Variants in SRGN observed in about 807,000 individuals in gnomAD.
SRGN encodes serglycin, also known as hematopoetic proteoglycan core peptide.
A neutral mutation model predicts 9.5 loss-of-function variants in SRGN; 2 were observed. The ratio of observed to expected loss-of-function variants is 0.21; its 90% confidence interval spans 0.09 to 0.66. SRGN has a LOEUF of 0.66. Ranked by LOEUF, SRGN falls within the 30% of genes least tolerant of loss-of-function variation. SRGN has a pLI of 0.83. For missense variants in SRGN, 170 were observed against 192.4 expected, an observed-to-expected ratio of 0.88 and a Z score of 0.69; for synonymous variants, 59 against 72.3, an observed-to-expected ratio of 0.82 and a Z score of 0.93.
chr10:69,099,089 G>T (rs1840237021), intron 2 of SRGN, among the ~76,000 whole-genome samples: 1 of 152,020 alleles, frequency 6.6e-6, no homozygotes, highest in Non-Finnish European at 1.5e-5. Context: ...AAATTCATAA[G>T]TAACAAAAAA....
At chr10:69,091,194 G>A (rs775940845) in intron 1 of SRGN, among the ~76,000 whole-genome samples, 1 of 152,158 alleles carries the variant, frequency 6.6e-6, no homozygotes, top group African/African-American at 2.4e-5. Context: ...AAAAATTTGT[G>A]AGTCTTGCCC....
intron 2 of SRGN, among the ~76,000 whole-genome samples, chr10:69,099,748 G>A (rs1450832190): frequency 6.6e-6 from 1 of 152,188 alleles, no homozygotes; most frequent in African/African-American, 2.4e-5. Flanking sequence ...AAGTTTGAAT[G>A]TAATATTACA....
At position 69,097,196 on chromosome 10, in the gene SRGN, C is replaced by G; in HGVS notation, c.192C>G (p.Ser64=). Residue 64 remains serine (S), a synonymous_variant, in exon 2 of 3, where the codon TCC becomes TCG. Coordinates refer to ENST00000242465, the MANE Select transcript of SRGN (RefSeq NM_002727.4). ...TGTTCGAACTACTTCCAGGTGAATCCAACAAGATCCCCCGTCTGAGGACTG... is the reference window on the plus strand; with the variant it reads ...TGTTCGAACTACTTCCAGGTGAATCGAACAAGATCCCCCGTCTGAGGACTG... ...GPMFELLPGE[S]NKIPRLRTDL... 6.2e-7 allele frequency: 1 copy of G among 1,613,968 alleles called. No individual in the cohort carries two copies. The highest frequency in any genetic ancestry group is 8.5e-7 in the Non-Finnish European group (1 of 1,179,898).
At chr10:69,091,896 A>G (rs1289750898) in intron 1 of SRGN, among the ~76,000 whole-genome samples, 4 of 98,366 alleles carry the variant, frequency 4.1e-5, no homozygotes, top group African/African-American at 5.8e-5. Flanking sequence ...AAAAAAAAAA[A>G]AAAAAAAAAA....
At chr10:69,100,332 A>G (rs938830340) in intron 2 of SRGN, among the ~76,000 whole-genome samples, 2 of 152,200 alleles carry the variant, frequency 1.3e-5, no homozygotes, top group African/African-American at 4.8e-5. Flanking sequence ...TGAGAGGTCA[A>G]GGCTGAAGTG....
chr10:69,094,807 T>G (rs1840141581), intron 1 of SRGN, among the ~76,000 whole-genome samples: 1 of 151,902 alleles, frequency 6.6e-6, no homozygotes, highest in Non-Finnish European at 1.5e-5. Flanking sequence ...CTCTCTATGT[T>G]GCCCAGCCTG....
intron 2 of SRGN, among the ~76,000 whole-genome samples, chr10:69,102,895 AAT>A (rs2132161959): frequency 6.6e-6 from 1 of 152,254 alleles, no homozygotes; most frequent in African/African-American, 2.4e-5. Flanking sequence ...TTTAGGAAAA[AAT>A]GTCATCTGTT....
intron 2 of SRGN, among the ~76,000 whole-genome samples, chr10:69,097,736 G>A (rs964175812): frequency 6.6e-6 from 1 of 152,000 alleles, no homozygotes; most frequent in Non-Finnish European, 1.5e-5. Context: ...CTAATTTTTT[G>A]TATTATTAGT....
At chr10:69,092,481 C>G (rs1840084385) in intron 1 of SRGN, among the ~76,000 whole-genome samples, 1 of 152,130 alleles carries the variant, frequency 6.6e-6, no homozygotes, top group African/African-American at 2.4e-5. Context: ...CCATACAGTT[C>G]ACCCATTAAA....
In SRGN at chr10:69,104,404, A is replaced by G. The variant is rs1258173513; in HGVS notation, c.*284A>G. The G allele has an allele frequency of 4.7e-6, 1 of 212,062 alleles. No homozygotes were observed. Among genetic ancestry groups the G allele is most frequent in the African/African-American group, 2.3e-5 (1 of 42,886 alleles). 13.1% of individuals were successfully genotyped at this position (212,062 alleles called of 1,614,324 possible). A position where few individuals can be genotyped will look rare whatever the true frequency, so the allele number is the denominator to read the frequency against. On this transcript the variant is annotated 3_prime_UTR_variant, in exon 3 of 3. Coordinates refer to ENST00000242465, the MANE Select transcript of SRGN (RefSeq NM_002727.4). Reference sequence around the variant, plus strand: ...ATTCCCATGGCCATAAAATGGCTTTAAAGAATATATATATATTTTTAAAGT... The same window carrying G: ...ATTCCCATGGCCATAAAATGGCTTTGAAGAATATATATATATTTTTAAAGT...
chr10:69,089,739 C>CA (rs1840010779), intron 1 of SRGN, among the ~76,000 whole-genome samples: 2 of 151,012 alleles, frequency 1.3e-5, no homozygotes, highest in Admixed American at 1.3e-4. Flanking sequence ...ACCAAAAATA[C>CA]AAAAAAATTA....
intron 1 of SRGN, among the ~76,000 whole-genome samples, chr10:69,089,191 A>G (rs943201420): frequency 1.3e-5 from 2 of 152,254 alleles, no homozygotes; most frequent in Non-Finnish European, 2.9e-5. Context: ...CTTACAGATG[A>G]TCGCAGAGAC....
rs538856051 is a variant in SRGN at position 69,092,084 on chromosome 10, G to A, written c.79+3848G>A. 5.3e-5 allele frequency among the ~76,000 whole-genome samples: 8 copies of A among 151,870 alleles called. No individual in the cohort carries two copies. In the East Asian group the frequency reaches 1.5e-3, roughly 29 times the overall value. On this transcript the variant is annotated intron_variant, in intron 1 of 2. Transcript: ENST00000242465. ...AGGACTCAGGGTGGTGGGGGAGGTG[G>A]GCAGTGAGGGATAGGATTCAAATAA...
chr10:69,094,533 C>T (rs1840135188), intron 1 of SRGN, among the ~76,000 whole-genome samples: 1 of 152,036 alleles, frequency 6.6e-6, no homozygotes, highest in African/African-American at 2.4e-5. Context: ...ATAATTGAAA[C>T]TATTATTCAT....
At chr10:69,090,257 C>G (rs1840023862) in intron 1 of SRGN, among the ~76,000 whole-genome samples, 1 of 152,200 alleles carries the variant, frequency 6.6e-6, no homozygotes, top group Non-Finnish European at 1.5e-5. Flanking sequence ...CGACAACATT[C>G]TTCCTGTCTT....
intron 1 of SRGN, among the ~76,000 whole-genome samples, chr10:69,091,879 CAAAAAAAAA>C (rs1177012248): frequency 0.34 from 10,659 of 31,462 alleles, 1,140 homozygotes; most frequent in South Asian, 0.43. Context: ...GACTCTGTCT[CAAAAAAAAA>C]AAAAAAAAAA....
At chr10:69,092,415 A>G (rs1840082519) in intron 1 of SRGN, among the ~76,000 whole-genome samples, 1 of 152,098 alleles carries the variant, frequency 6.6e-6, no homozygotes, top group African/African-American at 2.4e-5. Flanking sequence ...GATCCCTTCT[A>G]CTTTTGATTT....
chr10:69,093,411 T>C (rs1182142795), intron 1 of SRGN, among the ~76,000 whole-genome samples: 1 of 152,192 alleles, frequency 6.6e-6, no homozygotes, highest in Non-Finnish European at 1.5e-5. Flanking sequence ...AAACTCCCTA[T>C]GTGGTTTGCT....
chr10:69,097,127 T>G lies in SRGN; in HGVS notation c.123T>G (p.Asn41Lys), dbSNP rs771890576. ...RRARYQWVRCNPDSNSANCLE... is the reference protein window; with the variant it reads ...RRARYQWVRCKPDSNSANCLE... Reference sequence around the variant, plus strand: ...CCAGGTACCAATGGGTGCGCTGCAATCCAGACAGTAATTCTGCAAACTGCC... The same window carrying G: ...CCAGGTACCAATGGGTGCGCTGCAAGCCAGACAGTAATTCTGCAAACTGCC... The change falls in exon 2 of 3, where the codon AAT becomes AAG. Residue 41 changes from asparagine (N) to lysine (K), a missense_variant. By Grantham distance (94) the Asn-to-Lys change is moderately conservative (BLOSUM62 0). Transcript: ENST00000242465. 1 of 1,614,142 alleles carries G rather than the reference T, an allele frequency of 6.2e-7. No homozygotes were observed. The highest frequency in any genetic ancestry group is 8.5e-7 in the Non-Finnish European group (1 of 1,179,990).
Sources: allele counts gnomAD v4.1 joint callset (sites outside exome capture counted in the v4.1 genomes callset), GRCh38; gene constraint gnomAD v4.1.1; transcripts MANE v1.5; gene names NCBI Gene and HGNC (gene_info 2026-07-23, HGNC 2026-07-21).